Variants in STAB2 observed in about 807,000 individuals in gnomAD.
STAB2 encodes the protein stabilin-2.
STAB2 carries 288 observed loss-of-function variants against 338.1 expected under a neutral mutation model. That is an observed-to-expected ratio of 0.85 (90% CI 0.77 to 0.94). STAB2 has a LOEUF of 0.94. Ranked by LOEUF, STAB2 falls within the 40% of genes least tolerant of loss-of-function variation. The pLI, the probability that STAB2 is intolerant of heterozygous loss-of-function variation, is 0.00. For missense variants in STAB2, 3,141 were observed against 3,210.1 expected, an observed-to-expected ratio of 0.98 and a Z score of 0.52; for synonymous variants, 1,202 against 1,193.3, an observed-to-expected ratio of 1.01 and a Z score of -0.15.
At chr12:103,683,361 A>G in intron 26 of STAB2, 61 bp downstream of exon 26, 1 of 1,446,964 alleles carries the variant, frequency 6.9e-7, no homozygotes, top group Non-Finnish European at 9.5e-7. Context: ...TGCTTGAGAA[A>G]GAAAGATTAT....
intron 38 of STAB2, 139 bp from the exon 39 acceptor site, chr12:103,708,302 T>A: frequency 1.3e-6 from 1 of 794,806 alleles, no homozygotes; most frequent in Non-Finnish European, 2.1e-6. Flanking sequence ...CTTTTTGTGA[T>A]TCAAGACCCC....
intron 39 of STAB2, among the ~76,000 whole-genome samples, chr12:103,710,729 G>A (rs1328226351): frequency 1.3e-5 from 2 of 152,096 alleles, no homozygotes; most frequent in African/African-American, 2.4e-5. Flanking sequence ...AATTCCCTCC[G>A]ACACAAAACA....
chr12:103,617,577 G>C (rs1259165764), intron 3 of STAB2, among the ~76,000 whole-genome samples: 2 of 152,228 alleles, frequency 1.3e-5, no homozygotes, highest in African/African-American at 4.8e-5. Context: ...TTTGAACCCA[G>C]AACATTCTGA....
Position 103,620,450 on chromosome 12 carries a change from AGCT to A in STAB2, c.332-16_332-14del. The A allele has an allele frequency of 6.4e-7, 1 of 1,566,516 alleles. No homozygotes were observed. The highest frequency in any genetic ancestry group is 1.4e-5 in the African/African-American group (1 of 73,908). Reference sequence around the variant, plus strand: ...GTGCAGTCACGAATGAATACATCTGAGCTGTTTGATTCCCTAGAGTGCCCAGGT... The same window carrying A: ...GTGCAGTCACGAATGAATACATCTGAGTTTGATTCCCTAGAGTGCCCAGGT... On this transcript the variant is annotated splice_polypyrimidine_tract_variant and intron_variant, in intron 3 of 68. Transcript: ENST00000388887.
intron 3 of STAB2, among the ~76,000 whole-genome samples, chr12:103,595,450 T>C (rs1490069106): frequency 6.6e-6 from 1 of 152,210 alleles, no homozygotes; most frequent in East Asian, 1.9e-4. Context: ...CTGTCGCATA[T>C]AGGAAACCTT....
chr12:103,740,659 G>T lies in STAB2; in HGVS notation c.5784G>T (p.Leu1928=). ...TGAAGCAGAAGTGTCTCTACAACCT[G>T]CCCTTCAAGAGGAACCTGGAAGGCT... ...KGVKQKCLYN[L]PFKRNLEGCR... is the part of the protein sequence containing the mutation. Residue 1928 remains leucine, a synonymous_variant, in exon 55 of 69, where the codon CTG becomes CTT. Coordinates refer to ENST00000388887, the MANE Select transcript of STAB2 (RefSeq NM_017564.10). The T allele has an allele frequency of 6.2e-7, 1 of 1,612,130 alleles. No homozygotes were observed. Among genetic ancestry groups the T allele is most frequent in the Non-Finnish European group, 8.5e-7 (1 of 1,179,290 alleles).
chr12:103,646,117 G>A (rs1377875202), intron 9 of STAB2, among the ~76,000 whole-genome samples: 1 of 152,170 alleles, frequency 6.6e-6, no homozygotes, highest in Non-Finnish European at 1.5e-5. Context: ...AGGTTGCAGT[G>A]AGCTGAGATC....
chr12:103,683,330 T>TAA, intron 26 of STAB2, 30 bp downstream of exon 26: 1 of 1,418,272 alleles, frequency 7.1e-7, no homozygotes, highest in Non-Finnish European at 9.6e-7. Context: ...TTTTCATTAC[T>TAA]TAAAAAAAAA....
chr12:103,765,551 G>A (rs1884880656), intron 68 of STAB2, among the ~76,000 whole-genome samples: 1 of 152,216 alleles, frequency 6.6e-6, no homozygotes, highest in South Asian at 2.1e-4. Context: ...CAGAAGGCTT[G>A]GCATGGCCAC....
chr12:103,689,221 G>T (rs1489139847), intron 28 of STAB2, among the ~76,000 whole-genome samples: 2 of 152,184 alleles, frequency 1.3e-5, no homozygotes, highest in African/African-American at 2.4e-5. Flanking sequence ...AGTGGCTCAT[G>T]CCTGTAATCC....
Position 103,662,992 on chromosome 12 carries a change from G to T in STAB2, c.2016G>T (p.Met672Ile). ...GATGTGATGAAACAAAGAGAGAGAT[G>T]AAACTGGTAAGAAAACTAGGAAAAT... ...PHRCDETKRE[M>I]KLGTCVSCSL... Residue 672 changes from methionine (M) to isoleucine (I), a missense_variant, in exon 18 of 69, where the codon ATG becomes ATT. Transcript: ENST00000388887. 2 of 1,613,884 alleles carry T rather than the reference G, an allele frequency of 1.2e-6. No homozygotes were observed. The highest frequency in any genetic ancestry group is 1.1e-5 in the South Asian group (1 of 91,018).
chr12:103,725,225 T>A (rs1881092334), intron 45 of STAB2, 131 bp downstream of exon 45: 1 of 1,406,462 alleles, frequency 7.1e-7, no homozygotes, highest in Non-Finnish European at 9.5e-7. Context: ...CAATTTTACA[T>A]AAATCAGCAA....
At chr12:103,694,679 G>T (rs972477809) in intron 31 of STAB2, among the ~76,000 whole-genome samples, 2 of 152,086 alleles carry the variant, frequency 1.3e-5, no homozygotes, top group African/African-American at 2.4e-5. Flanking sequence ...AGTCACACTT[G>T]TATACCCACT....
chr12:103,739,023 T>C (rs750313212), intron 53 of STAB2, among the ~76,000 whole-genome samples: 6 of 152,146 alleles, frequency 3.9e-5, no homozygotes, highest in Non-Finnish European at 8.8e-5. Flanking sequence ...TCATCCAGGC[T>C]GGGGTTCAGT....
chr12:103,763,233 G>T (rs554207424), intron 67 of STAB2: 16 of 434,540 alleles, frequency 3.7e-5, no homozygotes, highest in Admixed American at 1.1e-4. Flanking sequence ...CTAAGAGCAT[G>T]TGAACACATC....
intron 19 of STAB2, among the ~76,000 whole-genome samples, chr12:103,667,460 A>G (rs1329839717): frequency 1.3e-5 from 2 of 152,248 alleles, no homozygotes; most frequent in South Asian, 2.1e-4. Context: ...ACAAGGTCAC[A>G]CAGCTGATGT....
At chr12:103,637,373 A>G in intron 7 of STAB2, 137 bp downstream of exon 7, 2 of 1,151,674 alleles carry the variant, frequency 1.7e-6, no homozygotes, top group South Asian at 3.3e-5. Context: ...ACGTATATAA[A>G]AGGTGCCAAG....
At chr12:103,751,767 A>C (rs2374246) in intron 60 of STAB2, among the ~76,000 whole-genome samples, 144,151 of 152,098 alleles carry the variant, frequency 0.95, 68,337 homozygotes, top group East Asian at 1. Context: ...ATCTACCCAG[A>C]CCATAGAGTG....
At chr12:103,676,337 C>T (rs1045459031) in intron 24 of STAB2, among the ~76,000 whole-genome samples, 4 of 151,254 alleles carry the variant, frequency 2.6e-5, no homozygotes, top group Non-Finnish European at 5.9e-5. Context: ...GACTACAGGC[C>T]TAAGCCACCG....
Sources: allele counts gnomAD v4.1 joint callset (sites outside exome capture counted in the v4.1 genomes callset), GRCh38; gene constraint gnomAD v4.1.1; transcripts MANE v1.5; gene names NCBI Gene and HGNC (gene_info 2026-07-23, HGNC 2026-07-21).